The following KRT23 variants were observed in gnomAD, a reference collection of about 807,000 sequenced individuals.
KRT23 encodes the protein keratin, type I cytoskeletal 23.
In KRT23, 38 loss-of-function variants were observed where a neutral mutation model predicts 47.6. That is an observed-to-expected ratio of 0.80 (90% CI 0.62 to 1.05). The LOEUF (loss-of-function observed/expected upper bound fraction) is 1.05. Ranked by LOEUF, KRT23 falls within the 50% of genes least tolerant of loss-of-function variation. The pLI is 0.00. For missense variants in KRT23, 503 were observed against 529.5 expected, an observed-to-expected ratio of 0.95 and a Z score of 0.49; for synonymous variants, 191 against 199.0, an observed-to-expected ratio of 0.96 and a Z score of 0.34.
intron 7 of KRT23, 101 bp from the exon 8 acceptor site, chr17:40,924,604 G>T: frequency 3.3e-6 from 3 of 909,338 alleles, no homozygotes; most frequent in Non-Finnish European, 3.6e-6. Flanking sequence ...TAAATCCTCT[G>T]CTCTTTAATG....
rs2269859 is a variant in KRT23 at position 40,936,504 on chromosome 17, C to T, written c.100G>A (p.Val34Ile). The change falls in exon 2 of 9, where the codon GTC becomes ATC. Residue 34 changes from valine (V) to isoleucine (I), a missense_variant. Transcript: ENST00000209718. ...CGGGCTCCCCCCGCACCGCCATGGA[C>T]GGTGGGAGCCCTGGGGAAGCTCCTG... ...RPRSFPRAPT[V>I]HGGAGGARIS... 0.023 allele frequency: 35,083 copies of T among 1,538,456 alleles called. 1,569 individuals carry two copies. The highest frequency in any genetic ancestry group is 0.15 in the East Asian group (6,719 of 44,276).
intron 2 of KRT23, among the ~76,000 whole-genome samples, chr17:40,933,967 G>T (rs749321470): frequency 6.6e-6 from 1 of 152,178 alleles, no homozygotes; most frequent in Non-Finnish European, 1.5e-5. Context: ...ATGTTTGACT[G>T]TAAACAAAAA....
At chr17:40,924,912 C>T (rs1050534364) in intron 7 of KRT23, among the ~76,000 whole-genome samples, 3 of 151,970 alleles carry the variant, frequency 2.0e-5, no homozygotes, top group Admixed American at 6.6e-5. Flanking sequence ...TATATATGCC[C>T]TTTATATGGC....
At chr17:40,929,174 G>A (rs1909461520) in intron 4 of KRT23, among the ~76,000 whole-genome samples, 1 of 151,156 alleles carries the variant, frequency 6.6e-6, no homozygotes, top group South Asian at 2.1e-4. Context: ...ATGTGGATTG[G>A]TGAAGTGACA....
At position 40,925,384 on chromosome 17, in the gene KRT23, T is replaced by C. The variant is rs779534374; in HGVS notation, c.1112A>G (p.Tyr371Cys). 1.1e-5 allele frequency: 17 copies of C among 1,613,684 alleles called. No individual in the cohort carries two copies. In the African/African-American group the frequency reaches 2.1e-4, roughly 20 times the overall value. The change falls in exon 7 of 9, where the codon TAC (tyrosine) becomes TGC (cysteine). Residue 371 changes from tyrosine to cysteine, a missense_variant. By Grantham distance (194) the Tyr-to-Cys change is radical. Coordinates refer to ENST00000209718, the MANE Select transcript of KRT23 (RefSeq NM_015515.5). ...ACTCTCTCCCTCCAGGAGCCGTCGG[T>C]ACGTGGTGATTTCCTTCTCCAGGTG... The part of the protein sequence containing the change: ...KTHLEKEITT[Y>C]RRLLEGESEG...
At chr17:40,933,282 C>T (rs1909822775) in intron 2 of KRT23, among the ~76,000 whole-genome samples, 1 of 152,134 alleles carries the variant, frequency 6.6e-6, no homozygotes, top group Non-Finnish European at 1.5e-5. Flanking sequence ...GGTACTATGG[C>T]CCCTTCCCTT....
chr17:40,930,380 T>G (rs1280975230), intron 3 of KRT23, among the ~76,000 whole-genome samples: 2 of 152,206 alleles, frequency 1.3e-5, no homozygotes, highest in Non-Finnish European at 2.9e-5. Context: ...GCTTCATCTA[T>G]TTCATTGCTG....
At chr17:40,924,880 C>G (rs1358526827) in intron 7 of KRT23, among the ~76,000 whole-genome samples, 1 of 152,158 alleles carries the variant, frequency 6.6e-6, no homozygotes, top group Non-Finnish European at 1.5e-5. Flanking sequence ...AAACTTCTAT[C>G]CCTTCCTTTC....
At chr17:40,924,997 T>G (rs1597874061) in intron 7 of KRT23, among the ~76,000 whole-genome samples, 1 of 13,538 alleles carries the variant, frequency 7.4e-5, no homozygotes, top group Non-Finnish European at 1.0e-4. Context: ...ATATGCATCT[T>G]TTTTTTTTTT....
At chr17:40,926,142 T>C (rs1909210915) in intron 6 of KRT23, among the ~76,000 whole-genome samples, 1 of 151,670 alleles carries the variant, frequency 6.6e-6, no homozygotes, top group Admixed American at 6.6e-5. Flanking sequence ...AAAAAAAAAA[T>C]GTCATTTTTT....
Position 40,924,516 on chromosome 17 carries a change from TA to T in KRT23, c.1143-14del. On this transcript the variant is annotated splice_polypyrimidine_tract_variant and intron_variant, in intron 7 of 8. Transcript: ENST00000209718. The stretch of plus-strand genomic sequence containing the variant: ...TTCTTCCCGTGTCCTATAAAAGTGA[TA>T]AAGGTTAAAGCTCACTTTAGTATTA... 6.2e-7 allele frequency: 1 copy of T among 1,610,442 alleles called. No individual in the cohort carries two copies. The highest frequency in any genetic ancestry group is 8.5e-7 in the Non-Finnish European group (1 of 1,176,852).
intron 8 of KRT23, 62 bp downstream of exon 8, chr17:40,924,410 A>C: frequency 7.2e-7 from 1 of 1,388,486 alleles, no homozygotes; most frequent in Non-Finnish European, 1.0e-6. Flanking sequence ...GACTACTACA[A>C]AATGGATAAC....
rs1448400540 is a variant in KRT23 at position 40,930,449 on chromosome 17, G to T, written c.480-353C>A. ...ATTTTAAGACTAAATACTTCAGGAT[G>T]CATCTTTTAAGAAAAATATATTTTA... On this transcript the variant is annotated intron_variant, in intron 3 of 8. Coordinates refer to ENST00000209718, the MANE Select transcript of KRT23 (RefSeq NM_015515.5). Among the ~76,000 whole-genome samples, 10 of 152,154 alleles carry T rather than the reference G, an allele frequency of 6.6e-5. No homozygotes were observed. In the East Asian group the frequency reaches 1.9e-3, roughly 29 times the overall value.
intron 6 of KRT23, among the ~76,000 whole-genome samples, chr17:40,926,807 C>G (rs1909252367): frequency 6.6e-6 from 1 of 152,078 alleles, no homozygotes; most frequent in African/African-American, 2.4e-5. Flanking sequence ...CTCTTGAGAC[C>G]CCTCCAAGGT....
intron 4 of KRT23, chr17:40,929,686 C>G (rs897321907): frequency 2.3e-5 from 10 of 441,728 alleles, no homozygotes; most frequent in African/African-American, 1.4e-4. Flanking sequence ...TCTAGGTAAA[C>G]ATTGTGTATT....
intron 3 of KRT23, 77 bp from the exon 4 acceptor site, chr17:40,930,173 A>G: frequency 7.3e-7 from 1 of 1,372,490 alleles, no homozygotes; most frequent in Non-Finnish European, 1.0e-6. Flanking sequence ...TTTCATTTAG[A>G]GGTGAATCTT....
chr17:40,931,012 C>CTTTTTTTTT (rs1165590099), intron 3 of KRT23, among the ~76,000 whole-genome samples: 2 of 120,828 alleles, frequency 1.7e-5, no homozygotes, highest in African/African-American at 3.3e-5. Flanking sequence ...ATGAGTTTTC[C>CTTTTTTTTT]TTTTTTTTTT....
chr17:40,932,036 A>C (rs922104953), intron 2 of KRT23, among the ~76,000 whole-genome samples: 6 of 152,228 alleles, frequency 3.9e-5, no homozygotes, highest in African/African-American at 1.4e-4. Context: ...AGCAACGCTA[A>C]CACTAATATT....
At chr17:40,928,779 GTA>G in intron 4 of KRT23, 172 bp from the exon 5 acceptor site, 1 of 570,360 alleles carries the variant, frequency 1.8e-6, no homozygotes, top group Non-Finnish European at 3.0e-6. Context: ...ATAAAACATT[GTA>G]TACTTTTTTC....
Sources: gnomAD v4.1 joint callset for allele counts (sites outside exome capture counted in the v4.1 genomes callset) on GRCh38, gnomAD v4.1.1 for gene constraint, MANE v1.5 for transcripts, NCBI Gene and HGNC (gene_info 2026-07-23, HGNC 2026-07-21) for gene names.